Variants in PCDHGA4 observed in about 807,000 individuals in gnomAD.
PCDHGA4 encodes protocadherin gamma subfamily A, 4.
PCDHGA4 carries 38 observed loss-of-function variants against 54.6 expected under a neutral mutation model. The observed-to-expected ratio is 0.70, with a 90% CI of 0.54 to 0.91. The LOEUF is 0.91. Among genes scored for constraint, PCDHGA4 ranks in the 40% least tolerant of loss-of-function variants. The probability of loss-of-function intolerance (pLI) is 0.00; values close to 1 mark genes in which losing one functional copy is unlikely to be tolerated. For missense variants in PCDHGA4, 1,298 were observed against 1,220.9 expected, an observed-to-expected ratio of 1.06 and a Z score of -0.94; for synonymous variants, 511 against 512.9, an observed-to-expected ratio of 1.00 and a Z score of 0.05.
At chr5:141,408,556 T>G (rs1215804867) in intron 1 of PCDHGA4, 1 of 1,613,940 alleles carries the variant, frequency 6.2e-7, no homozygotes, top group Non-Finnish European at 8.5e-7. Context: ...ATATTTTTCA[T>G]GTCATTGTGG....
Position 141,511,908 on chromosome 5 carries a change from A to T in PCDHGA4, c.*735A>T, listed in dbSNP as rs528200582. The T allele has an allele frequency of 4.5e-5, 7 of 156,536 alleles. No homozygotes were observed. The highest frequency in any genetic ancestry group is 1.9e-4 in the East Asian group (1 of 5,250). The allele number at this position is 156,536 out of a possible 1,614,324, so 9.7% of individuals were successfully genotyped here. A position where few individuals can be genotyped will look rare whatever the true frequency, so the allele number is the denominator to read the frequency against. On this transcript the variant is annotated 3_prime_UTR_variant, in exon 4 of 4. Transcript: ENST00000571252. ...GACTTCCCCCACCTCCTCCTCAAAC[A>T]AGAGACTCCACTGCATGTTCCAAGA...
At chr5:141,430,379 T>C (rs1174248880) in intron 1 of PCDHGA4, among the ~76,000 whole-genome samples, 1 of 149,570 alleles carries the variant, frequency 6.7e-6, no homozygotes, top group Non-Finnish European at 1.5e-5. Flanking sequence ...AAAAAGCTCA[T>C]TGGGAAAAAA....
At chr5:141,373,938 A>G (rs553053363) in intron 1 of PCDHGA4, 2 of 705,416 alleles carry the variant, frequency 2.8e-6, no homozygotes, top group Admixed American at 3.6e-5. Context: ...AAAGCAGGAA[A>G]GCTGTGCAGA....
chr5:141,364,239 T>G (rs1763233017), intron 1 of PCDHGA4: 2 of 1,440,110 alleles, frequency 1.4e-6, no homozygotes, highest in African/African-American at 2.9e-5. Context: ...CACGCCCATT[T>G]TCGTCAGGGA....
In PCDHGA4 at chr5:141,487,476, A is replaced by G; in HGVS notation, c.2515-7331A>G. Reference sequence around the variant, plus strand: ...ATCAAGTTTGTTGATGTGGGAGGCCACTCTCATGGCTGTACACCCTTGGCT... The same window carrying G: ...ATCAAGTTTGTTGATGTGGGAGGCCGCTCTCATGGCTGTACACCCTTGGCT... On this transcript the variant is annotated intron_variant, in intron 1 of 3. Transcript: ENST00000571252. The surrounding 1 kb of genome is among the most constrained non-coding windows in gnomAD (Gnocchi z 5.0). The G allele has an allele frequency of 6.2e-7, 1 of 1,614,004 alleles. No homozygotes were observed. Among genetic ancestry groups the G allele is most frequent in the Non-Finnish European group, 8.5e-7 (1 of 1,180,002 alleles).
chr5:141,426,090 T>G (rs545457395), intron 1 of PCDHGA4, among the ~76,000 whole-genome samples: 1 of 152,246 alleles, frequency 6.6e-6, no homozygotes, highest in African/African-American at 2.4e-5. Context: ...CAGGACGATA[T>G]TCTGTTCAGT....
intron 1 of PCDHGA4, chr5:141,384,711 G>T (rs765373675): frequency 2.5e-6 from 4 of 1,614,160 alleles, no homozygotes; most frequent in Non-Finnish European, 3.4e-6. Flanking sequence ...ACGCCTGGCT[G>T]TCATACCTCC....
chr5:141,422,811 C>T (rs748248571), intron 1 of PCDHGA4: 1 of 1,614,248 alleles, frequency 6.2e-7, no homozygotes, highest in Non-Finnish European at 8.5e-7. Context: ...AGTTTCGAGA[C>T]TTAGAACTGA....
At chr5:141,396,767 G>A (rs900685366) in intron 1 of PCDHGA4, 1 of 152,338 alleles carries the variant, frequency 6.6e-6, no homozygotes, top group East Asian at 1.9e-4. Context: ...ATAAATGTTT[G>A]TTATTAATGA....
intron 1 of PCDHGA4, chr5:141,411,549 A>G (rs1169343676): frequency 6.6e-6 from 1 of 152,210 alleles, no homozygotes; most frequent in African/African-American, 2.4e-5. Flanking sequence ...TTGCCACTGC[A>G]CTCCAGCCTG....
At chr5:141,451,077 C>T (rs1422196268) in intron 1 of PCDHGA4, among the ~76,000 whole-genome samples, 1 of 152,098 alleles carries the variant, frequency 6.6e-6, no homozygotes, top group Admixed American at 6.6e-5. Context: ...ATCCACCCAC[C>T]TTGACCTCCC....
chr5:141,491,712 G>A lies in PCDHGA4; in HGVS notation c.2515-3095G>A, dbSNP rs932849130. On this transcript the variant is annotated intron_variant, in intron 1 of 3. Coordinates refer to ENST00000571252, the MANE Select transcript of PCDHGA4 (RefSeq NM_018917.4). The surrounding 1 kb of genome is among the most constrained non-coding windows in gnomAD (Gnocchi z 6.9). Reference sequence around the variant, plus strand: ...GGGAGCGGAGCCAGGTGAGGGGCTCGGCGCCGCCCCGGGCGACCCCTGGGG... The same window carrying A: ...GGGAGCGGAGCCAGGTGAGGGGCTCAGCGCCGCCCCGGGCGACCCCTGGGG... The A allele has an allele frequency of 1.2e-6, 2 of 1,609,290 alleles. No homozygotes were observed. Among genetic ancestry groups the A allele is most frequent in the East Asian group, 2.2e-5 (1 of 44,760 alleles).
In PCDHGA4 at chr5:141,489,872, T is replaced by A. The variant is rs2099693206; in HGVS notation, c.2515-4935T>A. 1 of 1,614,090 alleles carries A rather than the reference T, an allele frequency of 6.2e-7. No homozygotes were observed. The highest frequency in any genetic ancestry group is 8.5e-7 in the Non-Finnish European group (1 of 1,180,016). On this transcript the variant is annotated intron_variant, in intron 1 of 3. Coordinates refer to ENST00000571252, the MANE Select transcript of PCDHGA4 (RefSeq NM_018917.4). The surrounding 1 kb of genome is among the most constrained non-coding windows in gnomAD (Gnocchi z 4.5). ...GAAGCCCAGGCAAGACATCAGCTGG[T>A]GCTTACTGCTGTGGATGGGGGGACC...
Position 141,489,779 on chromosome 5 carries a change from T to C in PCDHGA4, c.2515-5028T>C, listed in dbSNP as rs1269302289. 1.9e-6 allele frequency: 3 copies of C among 1,614,168 alleles called. No homozygotes were observed. Among genetic ancestry groups the C allele is most frequent in the Non-Finnish European group, 2.5e-6 (3 of 1,179,996 alleles). On this transcript the variant is annotated intron_variant, in intron 1 of 3. Coordinates refer to ENST00000571252, the MANE Select transcript of PCDHGA4 (RefSeq NM_018917.4). The surrounding 1 kb of genome is among the most constrained non-coding windows in gnomAD (Gnocchi z 4.5). ...CTAAGCCCCAACAGCCACTTCTCTC[T>C]GAATGTGAAGACCCTAAAAGATGGG...
At chr5:141,382,813 T>A in intron 1 of PCDHGA4, 1 of 1,218,620 alleles carries the variant, frequency 8.2e-7, no homozygotes, top group East Asian at 2.4e-5. Flanking sequence ...GAGCTCCCCT[T>A]CCTAAGACAG....
At chr5:141,494,554 T>C (rs1270280236) in intron 1 of PCDHGA4, among the ~76,000 whole-genome samples, 1 of 152,178 alleles carries the variant, frequency 6.6e-6, no homozygotes, top group African/African-American at 2.4e-5. Flanking sequence ...GGGCCATTTC[T>C]TTAGGAAAGG....
chr5:141,495,412 G>A lies in PCDHGA4; in HGVS notation c.2573+547G>A, dbSNP rs188302135. 2.2e-4 allele frequency among the ~76,000 whole-genome samples: 33 copies of A among 152,284 alleles called. No homozygotes were observed. The East Asian group carries it at 6.4e-3, about 29-fold the overall frequency. ...GGCATGGAGCAGGCCCCCTTCTCCG[G>A]CCCCTCCTCCCACTGTCCTCTGCCC... On this transcript the variant is annotated intron_variant, in intron 2 of 3. Coordinates refer to ENST00000571252, the MANE Select transcript of PCDHGA4 (RefSeq NM_018917.4).
At chr5:141,423,256 G>A (rs751894091) in intron 1 of PCDHGA4, 3 of 1,613,816 alleles carry the variant, frequency 1.9e-6, no homozygotes, top group South Asian at 2.2e-5. Context: ...GGCGGACCTC[G>A]GCAGCCTCGA....
Position 141,486,676 on chromosome 5 carries a change from T to A in PCDHGA4, c.2515-8131T>A, listed in dbSNP as rs375080564. On this transcript the variant is annotated intron_variant, in intron 1 of 3. Coordinates refer to ENST00000571252, the MANE Select transcript of PCDHGA4 (RefSeq NM_018917.4). This position sits in a 1 kb window ranked among gnomAD's most constrained non-coding sequence, Gnocchi z 5.0. ...CACTCCTGGAGCCCAGGAATCGAGA[T>A]GTATCAGCTTCCTCTTTCATCTCTC... 3 of 1,614,002 alleles carry A rather than the reference T, an allele frequency of 1.9e-6. No homozygotes were observed. The highest frequency in any genetic ancestry group is 2.5e-6 in the Non-Finnish European group (3 of 1,180,036).
Sources: gnomAD v4.1 joint callset for allele counts (sites outside exome capture counted in the v4.1 genomes callset) on GRCh38, gnomAD v4.1.1 for gene constraint, Gnocchi (gnomAD v3.1) non-coding constraint, MANE v1.5 for transcripts, NCBI Gene and HGNC (gene_info 2026-07-23, HGNC 2026-07-21) for gene names.